Variants in ACLY observed in about 807,000 individuals in gnomAD.
ACLY encodes the protein ATP-citrate synthase.
Under a neutral mutation model 133.0 loss-of-function variants are expected in ACLY, and 41 were observed. The ratio of observed to expected loss-of-function variants is 0.31; its 90% CI spans 0.24 to 0.40. ACLY has a LOEUF of 0.40. ACLY is among the 10% of genes least tolerant of loss of function. The pLI, the probability that ACLY is intolerant of heterozygous loss-of-function variation, is 1.00. For synonymous variants in ACLY, 495 were observed against 549.3 expected (o/e 0.90, Z 1.38); for missense variants, 1,046 against 1,453.8 (o/e 0.72, Z 4.56).
intron 1 of ACLY, among the ~76,000 whole-genome samples, chr17:41,930,069 T>A (rs1015883672): frequency 1.1e-4 from 16 of 152,234 alleles, no homozygotes; most frequent in African/African-American, 2.9e-4. Context: ...GACGTCAGAA[T>A]ATGCCTTGGT....
chr17:41,875,264 C>T (rs1233168208), intron 22 of ACLY, among the ~76,000 whole-genome samples: 7 of 151,056 alleles, frequency 4.6e-5, no homozygotes, highest in East Asian at 2.0e-4. Context: ...GCAGGAGAAT[C>T]GCTTGAATCT....
chr17:41,899,015 C>G (rs1018531249), intron 11 of ACLY, among the ~76,000 whole-genome samples: 2 of 152,214 alleles, frequency 1.3e-5, no homozygotes, highest in South Asian at 4.1e-4. Flanking sequence ...TGGCTCACAC[C>G]TGTAATCCCA....
chr17:41,910,755 A>G (rs2049878853), intron 3 of ACLY, among the ~76,000 whole-genome samples: 1 of 152,186 alleles, frequency 6.6e-6, no homozygotes, highest in Non-Finnish European at 1.5e-5. Flanking sequence ...TTCTCCACGC[A>G]GACTCTCCTG....
intron 1 of ACLY, among the ~76,000 whole-genome samples, chr17:41,915,611 G>C (rs2050030981): frequency 6.6e-6 from 1 of 152,178 alleles, no homozygotes; most frequent in East Asian, 1.9e-4. Context: ...TAGCTGGGAA[G>C]GGGCTCAGAG....
intron 11 of ACLY, among the ~76,000 whole-genome samples, chr17:41,901,156 C>T (rs186762774): frequency 3.8e-4 from 57 of 151,390 alleles, no homozygotes; most frequent in Middle Eastern, 3.4e-3. Context: ...GGCAGGGTCT[C>T]GCCATGTTGC....
upstream of ACLY, among the ~76,000 whole-genome samples, chr17:41,921,058 G>A (rs372744908): frequency 8.6e-5 from 13 of 150,554 alleles, no homozygotes; most frequent in East Asian, 1.2e-3. Context: ...CCCAGGAGGC[G>A]GAGGTTGCAG....
At chr17:41,928,398 A>G (rs1001979935) in intron 1 of ACLY, among the ~76,000 whole-genome samples, 1 of 152,188 alleles carries the variant, frequency 6.6e-6, no homozygotes, top group Non-Finnish European at 1.5e-5. Context: ...ATATTTACAT[A>G]TTTATGCTAA....
At chr17:41,887,191 C>T (rs2049075877) in intron 17 of ACLY, among the ~76,000 whole-genome samples, 1 of 148,182 alleles carries the variant, frequency 6.7e-6, no homozygotes, top group Non-Finnish European at 1.5e-5. Flanking sequence ...GTAACTCCAG[C>T]ACTTTGGGAG....
chr17:41,901,864 T>C lies in ACLY; in HGVS notation c.1066-51A>G, dbSNP rs377690225. 2.7e-4 allele frequency: 369 copies of C among 1,391,600 alleles called. 1 individual carries two copies. The highest frequency in any genetic ancestry group is 3.3e-4 in the Non-Finnish European group (333 of 1,009,500). The allele number at this position is 1,391,600 out of a possible 1,614,324, so 86.2% of individuals were successfully genotyped here. ...TAAAAACAAGGCAGCCACAAGTCAATGATTTATAACCGTGATAAACAAACA... is the reference window on the plus strand; with the variant it reads ...TAAAAACAAGGCAGCCACAAGTCAACGATTTATAACCGTGATAAACAAACA... On this transcript the variant is annotated intron_variant, in intron 10 of 28. Transcript: ENST00000352035.
At chr17:41,904,285 AAGGAAAGGGAGGG>A (rs1403384625) in intron 10 of ACLY, among the ~76,000 whole-genome samples, 1 of 94,764 alleles carries the variant, frequency 1.1e-5, no homozygotes, top group African/African-American at 4.2e-5. Context: ...GGGAGGGAGG[AAGGAAAGGGAGGG>A]AGGAAAGAAA....
rs530063156 is a variant in ACLY at position 41,879,409 on chromosome 17, C to A, written c.2266-485G>T. 2.0e-5 allele frequency among the ~76,000 whole-genome samples: 3 copies of A among 148,918 alleles called. No individual in the cohort carries two copies. The East Asian group carries it at 5.9e-4, about 29-fold the overall frequency. On this transcript the variant is annotated intron_variant, in intron 20 of 28. Transcript: ENST00000352035. ...GTGTGAGCCACCACGCCTGCCCCCCCCGCCTTTTTTTTTTTTTTTTTTTTA... is the reference window on the plus strand; with the variant it reads ...GTGTGAGCCACCACGCCTGCCCCCCACGCCTTTTTTTTTTTTTTTTTTTTA...
At chr17:41,929,614 C>T (rs1249327826) in intron 1 of ACLY, among the ~76,000 whole-genome samples, 1 of 152,108 alleles carries the variant, frequency 6.6e-6, no homozygotes, top group Non-Finnish European at 1.5e-5. Flanking sequence ...ACATCTTTCT[C>T]CCCTATTAGA....
At chr17:41,904,002 A>C (rs1049222394) in intron 10 of ACLY, among the ~76,000 whole-genome samples, 7 of 151,686 alleles carry the variant, frequency 4.6e-5, no homozygotes, top group African/African-American at 1.7e-4. Flanking sequence ...CTGTAATCCC[A>C]GGTACTCAGG....
rs1555633342 is a variant in ACLY at position 41,909,695 on chromosome 17, C to T, written c.351G>A (p.Glu117=). 6.2e-7 allele frequency: 1 copy of T among 1,614,000 alleles called. No homozygotes were observed. The highest frequency in any genetic ancestry group is 1.7e-5 in the Admixed American group (1 of 59,980). ...IEPFVPHSQA[E]EFYVCIYATR... Reference sequence around the variant, plus strand: ...TGGCATAGATGCAGACATAGAACTCCTCAGCCTTGCAGGTGAAGAGACAGG... The same window carrying T: ...TGGCATAGATGCAGACATAGAACTCTTCAGCCTTGCAGGTGAAGAGACAGG... The change falls in exon 5 of 29, where the codon GAG becomes GAA. Residue 117 remains glutamate (E), a synonymous_variant. Coordinates refer to ENST00000352035, the MANE Select transcript of ACLY (RefSeq NM_001096.3).
intron 1 of ACLY, among the ~76,000 whole-genome samples, chr17:41,915,110 G>A (rs2050017307): frequency 6.6e-6 from 1 of 152,108 alleles, no homozygotes; most frequent in Non-Finnish European, 1.5e-5. Flanking sequence ...TTTTCCAAGA[G>A]CCAGGCCCAT....
In ACLY at chr17:41,867,934, T is replaced by C. The variant is rs372389135; in HGVS notation, c.3212-30A>G. 3.0e-5 allele frequency: 45 copies of C among 1,504,264 alleles called. No individual in the cohort carries two copies. In the African/African-American group the frequency reaches 5.7e-4, roughly 19 times the overall value. The allele number at this position is 1,504,264 out of a possible 1,614,324, so 93.2% of individuals were successfully genotyped here. On this transcript the variant is annotated intron_variant, in intron 28 of 28. Transcript: ENST00000352035. ...AATGAAGCAAACACATCTTTTTTAT[T>C]AGAGCTTCATAAGCCTGGTGAGAGG...
chr17:41,896,364 T>C (rs2049365491), intron 14 of ACLY, among the ~76,000 whole-genome samples: 1 of 152,006 alleles, frequency 6.6e-6, no homozygotes, highest in South Asian at 2.1e-4. Flanking sequence ...CCAAAATCTC[T>C]ACCCCTTCCC....
In ACLY at chr17:41,867,829, G is replaced by C; in HGVS notation, c.3287C>G (p.Pro1096Arg). Residue 1096 changes from proline (P) to arginine (R), a missense_variant, in exon 29 of 29, where the codon CCG becomes CGG. Transcript: ENST00000352035. ...GCTCTGTTACATGCTCATGTGTTCC[G>C]GAAGAACATATGAAATATCATCCCA... Reference protein sequence around the residue: ...HPWDDISYVLPEHMSM With the variant: ...HPWDDISYVLREHMSM 2 of 1,610,598 alleles carry C rather than the reference G, an allele frequency of 1.2e-6. No individual in the cohort carries two copies.
At chr17:41,923,030 A>C (rs782157611), upstream of ACLY, among the ~76,000 whole-genome samples, 2 of 152,140 alleles carry the variant, frequency 1.3e-5, no homozygotes, top group East Asian at 3.9e-4. Flanking sequence ...TCTATTTTCT[A>C]ACTTAAAAGC....
Sources: allele counts gnomAD v4.1 joint callset (sites outside exome capture counted in the v4.1 genomes callset), GRCh38; gene constraint gnomAD v4.1.1; transcripts MANE v1.5; gene names NCBI Gene and HGNC (gene_info 2026-07-23, HGNC 2026-07-21).